UBOX5: variants seen among roughly 807,000 people sequenced by gnomAD.
UBOX5 encodes RING finger protein 37.
A neutral mutation model predicts 39.0 loss-of-function variants in UBOX5; 28 were observed. The ratio of observed to expected loss-of-function variants is 0.72; its 90% CI spans 0.53 to 0.98. UBOX5 has a LOEUF of 0.98. Among genes scored for constraint, UBOX5 ranks in the 50% least tolerant of loss-of-function variants. The pLI, the probability that UBOX5 is intolerant of heterozygous loss-of-function variation, is 0.00. For missense variants in UBOX5, 585 were observed against 674.4 expected (o/e 0.87, Z 1.47); for synonymous variants, 283 against 275.5 (o/e 1.03, Z -0.27).
At chr20:3,140,044 T>G in intron 1 of UBOX5, among the ~76,000 whole-genome samples, 1 of 107,978 alleles carries the variant, frequency 9.3e-6, no homozygotes, top group Non-Finnish European at 1.8e-5. Context: ...TTTTTTGAGA[T>G]GGAGTCTCAC....
Position 3,110,345 on chromosome 20 carries a change from G to T in UBOX5, c.1418-31C>A, listed in dbSNP as rs1465175197. 4 of 1,612,450 alleles carry T rather than the reference G, an allele frequency of 2.5e-6. No individual in the cohort carries two copies. The African/African-American group carries it at 4.0e-5, about 16-fold the overall frequency. The stretch of plus-strand genomic sequence containing the variant: ...AAATCAGGAAGGAAAACAGGCCAGG[G>T]TTAGGAAAGCTGCTCCATGGTCCAG... On this transcript the variant is annotated intron_variant, in intron 4 of 4. Transcript: ENST00000217173.
intron 1 of UBOX5, among the ~76,000 whole-genome samples, chr20:3,157,195 C>T (rs527997991): frequency 6.6e-6 from 1 of 152,326 alleles, no homozygotes; most frequent in South Asian, 2.1e-4. Flanking sequence ...GGCTTAGAGA[C>T]TGGCAGTAAG....
intron 1 of UBOX5, among the ~76,000 whole-genome samples, chr20:3,153,639 T>C (rs2066654725): frequency 6.6e-6 from 1 of 152,186 alleles, no homozygotes; most frequent in South Asian, 2.1e-4. Flanking sequence ...CAATCTATGG[T>C]CTTCTAGGAT....
In UBOX5 at chr20:3,122,375, T is replaced by C; in HGVS notation, c.264A>G (p.Ser88=). The C allele has an allele frequency of 1.9e-6, 3 of 1,614,188 alleles. No homozygotes were observed. The highest frequency in any genetic ancestry group is 2.5e-6 in the Non-Finnish European group (3 of 1,180,022). The part of the protein sequence containing the change: ...VTGLEMYTSA[S]SSRVSWNTPQ... Reference sequence around the variant, plus strand: ...GCGTATTCCAAGACACTCTGCTAGATGAGGCAGATGTGTACATTTCCAGGC... The same window carrying C: ...GCGTATTCCAAGACACTCTGCTAGACGAGGCAGATGTGTACATTTCCAGGC... The change falls in exon 3 of 5, where the codon TCA becomes TCG. Residue 88 remains serine, a synonymous_variant. Coordinates refer to ENST00000217173, the MANE Select transcript of UBOX5 (RefSeq NM_014948.4).
intron 1 of UBOX5, among the ~76,000 whole-genome samples, chr20:3,125,818 G>A (rs142289866): frequency 0.035 from 5,308 of 150,452 alleles, 227 homozygotes; most frequent in African/African-American, 0.12. Context: ...TCTGGGAAGT[G>A]AGGAGCGCCT....
In UBOX5 at chr20:3,129,038, G is replaced by A. The variant is rs184851115; in HGVS notation, c.-41-5632C>T. Among the ~76,000 whole-genome samples the A allele has an allele frequency of 2.3e-3, 348 of 152,254 alleles. 1 individual carries two copies. Among genetic ancestry groups the A allele is most frequent in the African/African-American group, 7.2e-3 (299 of 41,546 alleles). On this transcript the variant is annotated intron_variant, in intron 1 of 4. Coordinates refer to ENST00000217173, the MANE Select transcript of UBOX5 (RefSeq NM_014948.4). Reference sequence around the variant, plus strand: ...CTTCTTCCCACCTCTGTGTGGAAGCGAGTCAGCCTTCTGTTCAAGCATCTC... The same window carrying A: ...CTTCTTCCCACCTCTGTGTGGAAGCAAGTCAGCCTTCTGTTCAAGCATCTC...
intron 1 of UBOX5, among the ~76,000 whole-genome samples, chr20:3,150,293 A>T (rs1271431953): frequency 6.6e-6 from 1 of 152,132 alleles, no homozygotes; most frequent in Non-Finnish European, 1.5e-5. Flanking sequence ...CTGTCACTTC[A>T]CGGGTGGGAA....
intron 1 of UBOX5, among the ~76,000 whole-genome samples, chr20:3,158,555 A>C (rs537768948): frequency 1.3e-5 from 2 of 151,664 alleles, no homozygotes; most frequent in Non-Finnish European, 2.9e-5. Context: ...CTCACTGCAC[A>C]CTCCGCCTCC....
At chr20:3,125,574 C>T (rs1430847550) in intron 1 of UBOX5, among the ~76,000 whole-genome samples, 12 of 132,086 alleles carry the variant, frequency 9.1e-5, no homozygotes, top group Non-Finnish European at 1.6e-4. Flanking sequence ...GGCCGCCCAT[C>T]GTCTGGGAGG....
At position 3,110,180 on chromosome 20, in the gene UBOX5, G is replaced by C; in HGVS notation, c.1552C>G (p.Arg518Gly). 6.2e-7 allele frequency: 1 copy of C among 1,613,774 alleles called. No homozygotes were observed. ...LCRPCLGEKQRSLPMTCTACQ... is the reference protein window; with the variant it reads ...LCRPCLGEKQGSLPMTCTACQ... ...GCTGTGCACGTCATGGGCAGGGAGC[G>C]TTGCTTCTCACCCAGGCAGGGTCGG... Residue 518 changes from arginine to glycine, a missense_variant, in exon 5 of 5, where the codon CGC becomes GGC. By Grantham distance (125) the Arg-to-Gly change is moderately radical (BLOSUM62 -2). Transcript: ENST00000217173.
chr20:3,120,345 CA>C (rs35882932), intron 3 of UBOX5, among the ~76,000 whole-genome samples: 102 of 70,978 alleles, frequency 1.4e-3, no homozygotes, highest in Middle Eastern at 0.01. Context: ...GACTCCATCT[CA>C]AAAAAAAAAA....
At chr20:3,111,616 C>T (rs2066254576) in intron 4 of UBOX5, 1 of 152,740 alleles carries the variant, frequency 6.5e-6, no homozygotes, top group African/African-American at 2.4e-5. Flanking sequence ...GGCCTCCTCA[C>T]TTTGTGCTTG....
chr20:3,148,462 G>A, intron 1 of UBOX5: 2 of 1,614,096 alleles, frequency 1.2e-6, no homozygotes, highest in Non-Finnish European at 1.7e-6. Context: ...TCAGATCTTG[G>A]GTATCAAAGA....
intron 1 of UBOX5, among the ~76,000 whole-genome samples, chr20:3,142,142 AG>A: frequency 6.7e-6 from 1 of 150,286 alleles, no homozygotes; most frequent in Non-Finnish European, 1.5e-5. Flanking sequence ...TATGGGCAAC[AG>A]GGTGAGACAG....
intron 3 of UBOX5, among the ~76,000 whole-genome samples, chr20:3,117,864 C>A (rs148048531): frequency 4.0e-5 from 6 of 151,292 alleles, no homozygotes; most frequent in Admixed American, 3.3e-4. Context: ...TGGTGGCGAG[C>A]GCCTGTAATC....
At chr20:3,117,457 G>T (rs1180862964) in intron 3 of UBOX5, among the ~76,000 whole-genome samples, 1 of 152,320 alleles carries the variant, frequency 6.6e-6, no homozygotes, top group East Asian at 1.9e-4. Flanking sequence ...GCCAAGGCGG[G>T]TGGATTGCCT....
chr20:3,159,447 G>A (rs1215855259), intron 1 of UBOX5, among the ~76,000 whole-genome samples: 1 of 152,212 alleles, frequency 6.6e-6, no homozygotes, highest in African/African-American at 2.4e-5. Flanking sequence ...AGGCGCGGCA[G>A]AATATCTGAC....
chr20:3,151,566 T>C (rs997608768), intron 1 of UBOX5, among the ~76,000 whole-genome samples: 2 of 151,952 alleles, frequency 1.3e-5, no homozygotes, highest in East Asian at 1.9e-4. Flanking sequence ...GGCAGAAGGA[T>C]TGCTTGAGGC....
chr20:3,159,139 T>A (rs1186796385), intron 1 of UBOX5, among the ~76,000 whole-genome samples: 1 of 152,188 alleles, frequency 6.6e-6, no homozygotes, highest in African/African-American at 2.4e-5. Flanking sequence ...CAACTATTCT[T>A]ACCCACGGAA....
Sources: allele counts gnomAD v4.1 joint callset (sites outside exome capture counted in the v4.1 genomes callset), GRCh38; gene constraint gnomAD v4.1.1; transcripts MANE v1.5; gene names NCBI Gene and HGNC (gene_info 2026-07-23, HGNC 2026-07-21).